LAPTM5: variants seen among roughly 807,000 people sequenced by gnomAD.
LAPTM5 encodes the protein lysosomal-associated transmembrane protein 5.
A neutral mutation model predicts 30.1 loss-of-function variants in LAPTM5; 11 were observed. That is an observed-to-expected ratio of 0.37 (90% CI 0.23 to 0.60). The LOEUF is 0.60. Among genes scored for constraint, LAPTM5 ranks in the 20% least tolerant of loss-of-function variants. The pLI is 0.71. For missense variants in LAPTM5, 324 were observed against 332.5 expected (o/e 0.97, Z 0.20); for synonymous variants, 151 against 137.9 (o/e 1.10, Z -0.67).
chr1:30,751,654 A>C (rs1208219690), intron 1 of LAPTM5, among the ~76,000 whole-genome samples: 1 of 152,088 alleles, frequency 6.6e-6, no homozygotes, highest in Non-Finnish European at 1.5e-5. Flanking sequence ...CACAAGAATC[A>C]CTTGAACCCG....
intron 1 of LAPTM5, among the ~76,000 whole-genome samples, chr1:30,755,401 T>C (rs1044108300): frequency 6.6e-6 from 1 of 152,014 alleles, no homozygotes; most frequent in African/African-American, 2.4e-5. Flanking sequence ...TCTTAGCTTG[T>C]CACTCAAAAC....
chr1:30,742,526 G>A lies in LAPTM5; in HGVS notation c.111C>T (p.Ile37=), dbSNP rs754280208. ...CATGGGCCACCTCTACTGAGTGCTC[G>A]ATGAACAACAAGACGCTCATGATCT... ...YHVIMSVLLF[I]EHSVEVAHGK... is the part of the protein sequence containing the mutation. The change falls in exon 2 of 8, where the codon ATC becomes ATT. Residue 37 remains isoleucine (I), a synonymous_variant. Coordinates refer to ENST00000294507, the MANE Select transcript of LAPTM5 (RefSeq NM_006762.3). The A allele has an allele frequency of 1.8e-5, 29 of 1,613,416 alleles. No individual in the cohort carries two copies. The highest frequency in any genetic ancestry group is 1.6e-4 in the Middle Eastern group (1 of 6,084).
At chr1:30,757,563 T>C in intron 1 of LAPTM5, 96 bp downstream of exon 1, 1 of 1,272,416 alleles carries the variant, frequency 7.9e-7, no homozygotes, top group Non-Finnish European at 1.1e-6. Context: ...GAGCAGGAGT[T>C]CTTTCATTTG....
At chr1:30,736,866 C>T (rs1639891854) in intron 6 of LAPTM5, among the ~76,000 whole-genome samples, 1 of 152,194 alleles carries the variant, frequency 6.6e-6, no homozygotes, top group Admixed American at 6.5e-5. Flanking sequence ...CCCATTGTGG[C>T]CTCTAGGATC....
intron 1 of LAPTM5, among the ~76,000 whole-genome samples, chr1:30,754,651 A>G (rs1273856539): frequency 6.6e-6 from 1 of 152,252 alleles, no homozygotes; most frequent in African/African-American, 2.4e-5. Flanking sequence ...GGGTTCCCAA[A>G]GTGTGCAAGT....
At position 30,739,782 on chromosome 1, in the gene LAPTM5, G is replaced by T; in HGVS notation, c.387+27C>A. ...ATGCCAGACCTGGGCTCTGCTGTCC[G>T]GTGAGAGGTGGGGGCTGGGTACTCA... On this transcript the variant is annotated intron_variant, in intron 4 of 7. Transcript: ENST00000294507. This position sits in a 1 kb window ranked among gnomAD's most constrained non-coding sequence, Gnocchi z 4.2. 1 of 1,572,602 alleles carries T rather than the reference G, an allele frequency of 6.4e-7. No individual in the cohort carries two copies. The highest frequency in any genetic ancestry group is 8.6e-7 in the Non-Finnish European group (1 of 1,157,676).
At chr1:30,757,553 G>A in intron 1 of LAPTM5, 106 bp downstream of exon 1, 8 of 1,157,558 alleles carry the variant, frequency 6.9e-6, no homozygotes, top group Non-Finnish European at 1.0e-5. Flanking sequence ...GAGAGGTGGA[G>A]AGCAGGAGTT....
intron 1 of LAPTM5, 66 bp from the exon 2 acceptor site, chr1:30,742,615 C>A (rs969852439): frequency 6.8e-6 from 9 of 1,320,598 alleles, no homozygotes; most frequent in Non-Finnish European, 9.6e-6. Context: ...GCCCCTCCCA[C>A]CTTAGTGGTG....
At chr1:30,751,944 G>A (rs1469291116) in intron 1 of LAPTM5, among the ~76,000 whole-genome samples, 1 of 152,236 alleles carries the variant, frequency 6.6e-6, no homozygotes, top group Non-Finnish European at 1.5e-5. Flanking sequence ...GGTAAGTAAT[G>A]GAGATGGGCC....
intron 3 of LAPTM5, 115 bp downstream of exon 3, chr1:30,741,525 G>T: frequency 1.7e-6 from 1 of 578,702 alleles, no homozygotes; most frequent in Non-Finnish European, 2.9e-6. Context: ...CCAGAACGCA[G>T]GTGGGACCGC....
At chr1:30,736,896 A>G (rs1639892481) in intron 6 of LAPTM5, among the ~76,000 whole-genome samples, 1 of 152,176 alleles carries the variant, frequency 6.6e-6, no homozygotes, top group Non-Finnish European at 1.5e-5. Flanking sequence ...TCCCCACAAG[A>G]GTTCTTCAGG....
chr1:30,735,258 A>T lies in LAPTM5; in HGVS notation c.614T>A (p.Met205Lys), dbSNP rs764594879. 1.2e-6 allele frequency: 2 copies of T among 1,613,908 alleles called. 1 individual carries two copies. Among genetic ancestry groups the T allele is most frequent in the Non-Finnish European group, 1.7e-6 (2 of 1,179,942 alleles). The part of the protein sequence containing the change: ...FITVLIFKVY[M>K]FKCVWRCYRL... Reference sequence around the variant, plus strand: ...GTAGCACCGCCACACGCACTTGAACATGTAGACCTGGAAAAAGGCCCAGGT... The same window carrying T: ...GTAGCACCGCCACACGCACTTGAACTTGTAGACCTGGAAAAAGGCCCAGGT... Residue 205 changes from methionine to lysine, a missense_variant, in exon 7 of 8, where the codon ATG becomes AAG. Physicochemically the swap from Met to Lys is moderately conservative, Grantham distance 95. Transcript: ENST00000294507.
At position 30,733,920 on chromosome 1, in the gene LAPTM5, G is replaced by A. The variant is rs1229871719; in HGVS notation, c.700-3C>T. 2 of 1,610,400 alleles carry A rather than the reference G, an allele frequency of 1.2e-6. No individual in the cohort carries two copies. The highest frequency in any genetic ancestry group is 1.3e-5 in the African/African-American group (1 of 74,664). On this transcript the variant is annotated splice_polypyrimidine_tract_variant and splice_region_variant and intron_variant, in intron 7 of 7. Transcript: ENST00000294507. Reference sequence around the variant, plus strand: ...TCCTCGTAGGACGGCAGGACCACCTGGGAGAGACAGAGAGATGAGGGCTGA... The same window carrying A: ...TCCTCGTAGGACGGCAGGACCACCTAGGAGAGACAGAGAGATGAGGGCTGA...
intron 1 of LAPTM5, among the ~76,000 whole-genome samples, chr1:30,754,286 C>T (rs189480573): frequency 5.3e-5 from 8 of 152,160 alleles, no homozygotes; most frequent in East Asian, 3.9e-4. Flanking sequence ...AATCCCAGCG[C>T]GTTGGGAGGC....
rs1212876032 is a variant in LAPTM5 at position 30,746,466 on chromosome 1, T to C, written c.88-3917A>G. Among the ~76,000 whole-genome samples, 2 of 152,162 alleles carry C rather than the reference T, an allele frequency of 1.3e-5. No homozygotes were observed. Among genetic ancestry groups the C allele is most frequent in the Admixed American group, 6.5e-5 (1 of 15,280 alleles). On this transcript the variant is annotated intron_variant, in intron 1 of 7. Transcript: ENST00000294507. The surrounding 1 kb of genome is among the most constrained non-coding windows in gnomAD (Gnocchi z 4.0). ...ATTTCCAAGCCTCCAAGCCCTTGCCTTCCCCTCATGTCCCCGGTTTCCACC... is the reference window on the plus strand; with the variant it reads ...ATTTCCAAGCCTCCAAGCCCTTGCCCTCCCCTCATGTCCCCGGTTTCCACC...
chr1:30,743,030 A>G (rs1228274695), intron 1 of LAPTM5, among the ~76,000 whole-genome samples: 1 of 152,162 alleles, frequency 6.6e-6, no homozygotes, highest in Non-Finnish European at 1.5e-5. Flanking sequence ...AGCACCATAG[A>G]GCTTCAGGTT....
At position 30,737,365 on chromosome 1, in the gene LAPTM5, A is replaced by C. The variant is rs12405718; in HGVS notation, c.606+239T>G. Among the ~76,000 whole-genome samples, 236 of 152,288 alleles carry C rather than the reference A, an allele frequency of 1.5e-3. 2 individuals carry two copies. Among genetic ancestry groups the C allele is most frequent in the Admixed American group, 0.012 (179 of 15,302 alleles). ...TCCAAATCTAATTCCAGACAGCTGG[A>C]ATTAGACATCTGAACGCAGGTGGCC... On this transcript the variant is annotated intron_variant, in intron 6 of 7. Coordinates refer to ENST00000294507, the MANE Select transcript of LAPTM5 (RefSeq NM_006762.3).
Position 30,742,534 on chromosome 1 carries a change from A to G in LAPTM5, c.103T>C (p.Leu35=), listed in dbSNP as rs779235942. Residue 35 remains leucine, a synonymous_variant, in exon 2 of 8, where the codon TTG becomes CTG. Transcript: ENST00000294507. ...ACCTCTACTGAGTGCTCGATGAACA[A>G]CAAGACGCTCATGATCTGGAGGCAA... The part of the protein sequence containing the change: ...AIYHVIMSVL[L]FIEHSVEVAH... The G allele has an allele frequency of 6.2e-7, 1 of 1,613,548 alleles. No individual in the cohort carries two copies. Among genetic ancestry groups the G allele is most frequent in the East Asian group, 2.2e-5 (1 of 44,878 alleles).
chr1:30,740,399 T>TCCCCCCCCCCCCCC (rs148522746), intron 3 of LAPTM5, among the ~76,000 whole-genome samples: 5 of 103,190 alleles, frequency 4.8e-5, no homozygotes, highest in Admixed American at 1.9e-4. Flanking sequence ...AGAGAGCCCC[T>TCCCCCCCCCCCCCC]CCCCCCCACC....
Sources: allele counts gnomAD v4.1 joint callset (sites outside exome capture counted in the v4.1 genomes callset), GRCh38; gene constraint gnomAD v4.1.1; non-coding constraint Gnocchi (gnomAD v3.1); transcripts MANE v1.5; gene names NCBI Gene and HGNC (gene_info 2026-07-23, HGNC 2026-07-21).